ST6GALNAC3: variants seen among roughly 807,000 people sequenced by gnomAD.
ST6GALNAC3 encodes the protein ST6 N-acetylgalactosaminide alpha-2,6-sialyltransferase 3, also known as alpha-N-acetylgalactosaminide alpha-2,6-sialyltransferase 3.
A neutral mutation model predicts 32.7 loss-of-function variants in ST6GALNAC3; 25 were observed. The ratio of observed to expected loss-of-function variants is 0.76; its 90% confidence interval spans 0.56 to 1.07. The LOEUF (loss-of-function observed/expected upper bound fraction) is 1.07, where lower values mean the gene tolerates loss of function less well. Among genes scored for constraint, ST6GALNAC3 ranks in the 50% least tolerant of loss-of-function variants. ST6GALNAC3 has a pLI of 0.00. For synonymous variants in ST6GALNAC3, 129 were observed against 133.1 expected, an observed-to-expected ratio of 0.97 and a Z score of 0.21; for missense variants, 355 against 382.4, an observed-to-expected ratio of 0.93 and a Z score of 0.60.
At chr1:76,096,318 A>C (rs1461122998) in intron 1 of ST6GALNAC3, among the ~76,000 whole-genome samples, 1 of 152,186 alleles carries the variant, frequency 6.6e-6, no homozygotes, top group Non-Finnish European at 1.5e-5. Context: ...CTCTTAAGAA[A>C]AAAAACAATC....
chr1:76,460,338 G>C (rs962044268), intron 3 of ST6GALNAC3, among the ~76,000 whole-genome samples: 12 of 151,916 alleles, frequency 7.9e-5, no homozygotes, highest in African/African-American at 2.9e-4. Flanking sequence ...TTTGTGCCGT[G>C]GTGTTTCAAG....
At chr1:76,483,127 A>G (rs1571372496) in intron 3 of ST6GALNAC3, among the ~76,000 whole-genome samples, 1 of 152,084 alleles carries the variant, frequency 6.6e-6, no homozygotes, top group African/African-American at 2.4e-5. Flanking sequence ...TCTATCACTG[A>G]TGGACATTTG....
At chr1:76,527,174 C>A (rs1252373469) in intron 3 of ST6GALNAC3, among the ~76,000 whole-genome samples, 2 of 152,038 alleles carry the variant, frequency 1.3e-5, no homozygotes, top group South Asian at 2.1e-4. Context: ...CAGCACATCC[C>A]CAGGTTTCGC....
At chr1:76,235,061 T>C (rs1656573124) in intron 1 of ST6GALNAC3, among the ~76,000 whole-genome samples, 1 of 152,138 alleles carries the variant, frequency 6.6e-6, no homozygotes, top group Admixed American at 6.5e-5. Context: ...GGCACTGCTG[T>C]GTAGGAGGTG....
At chr1:76,335,519 G>T (rs764302612) in intron 2 of ST6GALNAC3, among the ~76,000 whole-genome samples, 1 of 152,020 alleles carries the variant, frequency 6.6e-6, no homozygotes, top group Non-Finnish European at 1.5e-5. Flanking sequence ...GCACAGCTTT[G>T]AGAGGGGGGA....
intron 1 of ST6GALNAC3, among the ~76,000 whole-genome samples, chr1:76,152,676 C>T (rs748906062): frequency 5.9e-5 from 9 of 152,108 alleles, no homozygotes; most frequent in African/African-American, 1.7e-4. Flanking sequence ...CAATTTAAAC[C>T]GTAAACATTT....
At chr1:76,123,046 T>C (rs1648989542) in intron 1 of ST6GALNAC3, among the ~76,000 whole-genome samples, 1 of 152,212 alleles carries the variant, frequency 6.6e-6, no homozygotes, top group Non-Finnish European at 1.5e-5. Flanking sequence ...TTTAACAAGA[T>C]GTCCAGTGAT....
intron 2 of ST6GALNAC3, among the ~76,000 whole-genome samples, chr1:76,346,081 C>T (rs1053816606): frequency 6.6e-6 from 1 of 152,080 alleles, no homozygotes; most frequent in African/African-American, 2.4e-5. Flanking sequence ...TTTCTCCATA[C>T]TACTTATCAC....
intron 3 of ST6GALNAC3, among the ~76,000 whole-genome samples, chr1:76,549,766 C>G (rs893224509): frequency 6.6e-6 from 1 of 152,062 alleles, no homozygotes; most frequent in Non-Finnish European, 1.5e-5. Context: ...TTTGATTCGG[C>G]CAAAGTGTTC....
At chr1:76,442,468 G>A (rs1656679733) in intron 3 of ST6GALNAC3, among the ~76,000 whole-genome samples, 2 of 152,218 alleles carry the variant, frequency 1.3e-5, no homozygotes, top group African/African-American at 4.8e-5. Flanking sequence ...TGACAGTTCA[G>A]AGGTGATTGT....
intron 1 of ST6GALNAC3, among the ~76,000 whole-genome samples, chr1:76,305,226 T>G (rs892291322): frequency 3.3e-5 from 5 of 152,078 alleles, no homozygotes; most frequent in Non-Finnish European, 7.4e-5. Flanking sequence ...TTAGGCAGCA[T>G]AGTGGGTGCT....
intron 3 of ST6GALNAC3, among the ~76,000 whole-genome samples, chr1:76,457,386 G>A (rs991412545): frequency 1.2e-3 from 177 of 151,744 alleles, no homozygotes; most frequent in Admixed American, 1.8e-3. Context: ...AAAGGAGCCC[G>A]CATCGCCAAG....
At chr1:76,577,274 C>T in intron 3 of ST6GALNAC3, 1 of 990,606 alleles carries the variant, frequency 1.0e-6, no homozygotes, top group Non-Finnish European at 1.2e-6. Context: ...CTGATTTCTC[C>T]AAGGGAATTG....
intron 1 of ST6GALNAC3, among the ~76,000 whole-genome samples, chr1:76,076,244 A>G (rs1284665800): frequency 6.6e-6 from 1 of 152,114 alleles, no homozygotes; most frequent in African/African-American, 2.4e-5. Flanking sequence ...CATGATATTT[A>G]TTGCTGGCCA....
At chr1:76,482,946 A>G (rs1659833179) in intron 3 of ST6GALNAC3, among the ~76,000 whole-genome samples, 2 of 141,318 alleles carry the variant, frequency 1.4e-5, no homozygotes, top group Admixed American at 1.5e-4. Context: ...TCATTGTTCA[A>G]TTCCCACCTA....
chr1:76,571,680 G>C (rs1317098621), intron 3 of ST6GALNAC3, among the ~76,000 whole-genome samples: 1 of 152,068 alleles, frequency 6.6e-6, no homozygotes, highest in Non-Finnish European at 1.5e-5. Context: ...ATGCCTGAGT[G>C]AGTTGAGTTG....
rs114716755 is a variant in ST6GALNAC3, at chr1:76,134,049, G to A, written c.18+59165G>A. ...TTTAAGCAGTACAAGGAAATTCACC[G>A]TATACCCAGAACAGAGAAATATTTA... On this transcript the variant is annotated intron_variant, in intron 1 of 4. Coordinates refer to ENST00000328299, the MANE Select transcript of ST6GALNAC3 (RefSeq NM_152996.4). Among the ~76,000 whole-genome samples, 756 of 152,266 alleles carry A rather than the reference G, an allele frequency of 5.0e-3. 9 individuals are homozygous for A. The highest frequency in any genetic ancestry group is 0.016 in the African/African-American group (669 of 41,536).
chr1:76,528,930 G>A (rs1207718291), intron 3 of ST6GALNAC3, among the ~76,000 whole-genome samples: 1 of 150,234 alleles, frequency 6.7e-6, no homozygotes, highest in Non-Finnish European at 1.5e-5. Context: ...TCTGTGAAAA[G>A]TAGAAATAGC....
chr1:76,181,148 G>A (rs7536455), intron 1 of ST6GALNAC3, among the ~76,000 whole-genome samples: 29,931 of 152,172 alleles, frequency 0.2, 3,066 homozygotes, highest in African/African-American at 0.22. Flanking sequence ...GGGTTTGAGC[G>A]ATGGTGGTGA....
Sources: gnomAD v4.1 joint callset for allele counts (sites outside exome capture counted in the v4.1 genomes callset) on GRCh38, gnomAD v4.1.1 for gene constraint, MANE v1.5 for transcripts, NCBI Gene and HGNC (gene_info 2026-07-23, HGNC 2026-07-21) for gene names.